DCDC2C: variants seen among roughly 807,000 people sequenced by gnomAD.
The protein encoded by DCDC2C is doublecortin domain containing 2C, also known as doublecortin domain-containing protein 2C.
DCDC2C carries 44 observed loss-of-function variants against 45.0 expected under a neutral mutation model. The observed-to-expected ratio is 0.98, with a 90% confidence interval of 0.77 to 1.26. DCDC2C has a LOEUF of 1.26. DCDC2C is among the 50% of genes most tolerant of loss of function. The pLI is 0.00. For synonymous variants in DCDC2C, 187 were observed against 178.8 expected (o/e 1.05, Z -0.37); for missense variants, 447 against 468.9 (o/e 0.95, Z 0.43).
intron 10 of DCDC2C, among the ~76,000 whole-genome samples, chr2:3,842,952 G>C (rs1300499336): frequency 1.3e-5 from 2 of 152,156 alleles, no homozygotes; most frequent in African/African-American, 2.4e-5. Flanking sequence ...TTCTCTGTCT[G>C]GTAACACAGT....
intron 3 of DCDC2C, among the ~76,000 whole-genome samples, chr2:3,735,590 T>C (rs1305707487): frequency 6.6e-6 from 1 of 152,120 alleles, no homozygotes; most frequent in Non-Finnish European, 1.5e-5. Context: ...ACTTAGGGTG[T>C]GTGAGAAGTA....
intron 3 of DCDC2C, among the ~76,000 whole-genome samples, chr2:3,736,287 G>C (rs1669022579): frequency 6.6e-6 from 1 of 152,152 alleles, no homozygotes; most frequent in Non-Finnish European, 1.5e-5. Context: ...CTGCTTTAAG[G>C]GGTCCCACAG....
At chr2:3,846,733 G>A (rs535043980) in intron 10 of DCDC2C, among the ~76,000 whole-genome samples, 8 of 152,204 alleles carry the variant, frequency 5.3e-5, no homozygotes, top group East Asian at 3.9e-4. Context: ...TCAGCACCAC[G>A]TTTGAACCAA....
intron 3 of DCDC2C, among the ~76,000 whole-genome samples, chr2:3,730,758 C>T (rs879629835): frequency 4.6e-5 from 7 of 152,198 alleles, no homozygotes; most frequent in African/African-American, 1.4e-4. Context: ...AGCAGTCCTT[C>T]TGGGTGGCGT....
At chr2:3,785,354 C>T (rs750987538) in intron 10 of DCDC2C, among the ~76,000 whole-genome samples, 1 of 152,126 alleles carries the variant, frequency 6.6e-6, no homozygotes, top group Non-Finnish European at 1.5e-5. Context: ...AAAAAGCGCC[C>T]TAGGGCAGCG....
intron 4 of DCDC2C, among the ~76,000 whole-genome samples, chr2:3,745,761 AG>A (rs774443167): frequency 2.0e-5 from 3 of 152,206 alleles, no homozygotes; most frequent in Non-Finnish European, 4.4e-5. Flanking sequence ...GTCTAGGCTC[AG>A]TGCAGTGGCA....
chr2:3,807,242 T>A (rs1558236484), intron 10 of DCDC2C, among the ~76,000 whole-genome samples: 1 of 152,080 alleles, frequency 6.6e-6, no homozygotes. Flanking sequence ...CTTCCAAATT[T>A]CCCCCCTTGC....
chr2:3,752,620 G>T, intron 4 of DCDC2C, 143 bp from the exon 5 acceptor site: 1 of 1,003,490 alleles, frequency 1.0e-6, no homozygotes, highest in African/African-American at 1.6e-5. Context: ...TAATTGGCCC[G>T]TTTGGATAAC....
At chr2:3,836,840 C>G (rs1343596524) in intron 10 of DCDC2C, among the ~76,000 whole-genome samples, 14 of 135,524 alleles carry the variant, frequency 1.0e-4, no homozygotes, top group South Asian at 7.5e-4. Flanking sequence ...CCAGCCTGGG[C>G]GACAGAGCGA....
At chr2:3,739,569 G>A (rs1176413446) in intron 3 of DCDC2C, among the ~76,000 whole-genome samples, 1 of 152,250 alleles carries the variant, frequency 6.6e-6, no homozygotes, top group African/African-American at 2.4e-5. Context: ...CCGGCAGAAC[G>A]ACACAGAGTT....
intron 2 of DCDC2C, among the ~76,000 whole-genome samples, chr2:3,714,624 T>G (rs1346896589): frequency 1.3e-5 from 2 of 152,232 alleles, no homozygotes; most frequent in East Asian, 1.9e-4. Context: ...CTGAGTTGAA[T>G]TTTTTAGATC....
At chr2:3,716,976 C>T (rs935129492) in intron 2 of DCDC2C, among the ~76,000 whole-genome samples, 1 of 152,152 alleles carries the variant, frequency 6.6e-6, no homozygotes, top group African/African-American at 2.4e-5. Flanking sequence ...GGTCATAGCC[C>T]TGCTGATAGG....
intron 10 of DCDC2C, among the ~76,000 whole-genome samples, chr2:3,794,454 C>T (rs1013177946): frequency 4.6e-5 from 7 of 152,016 alleles, no homozygotes; most frequent in Non-Finnish European, 7.4e-5. Flanking sequence ...CATGCTGGTG[C>T]GCTGCACCCA....
chr2:3,802,443 AG>A (rs1228280241), intron 10 of DCDC2C, among the ~76,000 whole-genome samples: 1 of 152,228 alleles, frequency 6.6e-6, no homozygotes, highest in Admixed American at 6.5e-5. Flanking sequence ...TTTTGTCTAT[AG>A]CAAAACACTT....
chr2:3,729,480 G>A (rs556530159), intron 3 of DCDC2C, among the ~76,000 whole-genome samples: 3 of 152,336 alleles, frequency 2.0e-5, no homozygotes, highest in East Asian at 3.9e-4. Flanking sequence ...TGATTTGGGC[G>A]TTTTAAAGGG....
chr2:3,766,881 C>G (rs1670027212), intron 6 of DCDC2C, among the ~76,000 whole-genome samples: 1 of 152,192 alleles, frequency 6.6e-6, no homozygotes, highest in Admixed American at 6.5e-5. Context: ...CTTAGTTTGA[C>G]TTAGGATTTT....
At chr2:3,834,596 G>A (rs574917174) in intron 10 of DCDC2C, among the ~76,000 whole-genome samples, 18 of 152,332 alleles carry the variant, frequency 1.2e-4, no homozygotes, top group African/African-American at 4.3e-4. Context: ...CATTGCACAT[G>A]AGGGAACTGA....
At chr2:3,719,968 G>A (rs1379550174) in intron 2 of DCDC2C, among the ~76,000 whole-genome samples, 1 of 152,228 alleles carries the variant, frequency 6.6e-6, no homozygotes, top group Non-Finnish European at 1.5e-5. Flanking sequence ...GTGTGCTTGG[G>A]ACGACCCAGC....
intron 1 of DCDC2C, among the ~76,000 whole-genome samples, chr2:3,707,450 G>A (rs1168198438): frequency 6.6e-6 from 1 of 152,184 alleles, no homozygotes; most frequent in Non-Finnish European, 1.5e-5. Context: ...GCATACAAGG[G>A]CCTCTAAGCA....
Sources: gnomAD v4.1 joint callset for allele counts (sites outside exome capture counted in the v4.1 genomes callset) on GRCh38, gnomAD v4.1.1 for gene constraint, MANE v1.5 for transcripts, NCBI Gene and HGNC (gene_info 2026-07-23, HGNC 2026-07-21) for gene names.